MAP2: variants seen among roughly 807,000 people sequenced by gnomAD.
MAP2 encodes microtubule associated protein 2.
A neutral mutation model predicts 137.6 loss-of-function variants in MAP2; 14 were observed. The ratio of observed to expected loss-of-function variants is 0.10; its 90% CI spans 0.07 to 0.16. MAP2 has a LOEUF of 0.16. MAP2 is among the 10% of genes least tolerant of loss of function. The pLI is 1.00. For missense variants in MAP2, 2,088 were observed against 2,191.5 expected, an observed-to-expected ratio of 0.95 and a Z score of 0.94; for synonymous variants, 786 against 782.3, an observed-to-expected ratio of 1.00 and a Z score of -0.08.
At chr2:209,500,769 T>C (rs2060276975) in intron 1 of MAP2, among the ~76,000 whole-genome samples, 1 of 151,988 alleles carries the variant, frequency 6.6e-6, no homozygotes, top group East Asian at 1.9e-4. Context: ...CCCAGTTGGG[T>C]ATGGTGGCTT....
chr2:209,590,429 G>A (rs552071670), intron 3 of MAP2, among the ~76,000 whole-genome samples: 3 of 152,096 alleles, frequency 2.0e-5, no homozygotes, highest in South Asian at 2.1e-4. Context: ...TCTGCCTCCC[G>A]GATTCAAGTG....
intron 1 of MAP2, among the ~76,000 whole-genome samples, chr2:209,428,557 T>C (rs1483437538): frequency 1.3e-5 from 2 of 152,048 alleles, no homozygotes; most frequent in Non-Finnish European, 2.9e-5. Flanking sequence ...AAAATAAACA[T>C]TGGTCTTTAG....
chr2:209,649,500 C>A (rs1163452759), intron 4 of MAP2, among the ~76,000 whole-genome samples: 1 of 152,072 alleles, frequency 6.6e-6, no homozygotes, highest in African/African-American at 2.4e-5. Flanking sequence ...TGAAATTTAT[C>A]ATTTATGGGT....
chr2:209,724,481 A>G (rs942796763), intron 13 of MAP2, among the ~76,000 whole-genome samples: 2 of 152,186 alleles, frequency 1.3e-5, no homozygotes, highest in African/African-American at 2.4e-5. Flanking sequence ...CTGATCATCC[A>G]TGACTCAAGT....
At chr2:209,502,538 G>A (rs994203930) in intron 1 of MAP2, among the ~76,000 whole-genome samples, 1 of 152,132 alleles carries the variant, frequency 6.6e-6, no homozygotes, top group Non-Finnish European at 1.5e-5. Flanking sequence ...AAATAATGCT[G>A]CAATGAACAC....
chr2:209,726,216 A>T, intron 14 of MAP2, among the ~76,000 whole-genome samples: 1 of 152,134 alleles, frequency 6.6e-6, no homozygotes, highest in East Asian at 1.9e-4. Context: ...GAAGAAGTGT[A>T]TTTATCTGGT....
At chr2:209,521,701 A>T (rs2063312221) in intron 2 of MAP2, among the ~76,000 whole-genome samples, 1 of 152,048 alleles carries the variant, frequency 6.6e-6, no homozygotes, top group Non-Finnish European at 1.5e-5. Context: ...TCAAAAGCAC[A>T]TTCATGATCC....
chr2:209,435,990 T>TGATATATAA (rs1559159420), intron 1 of MAP2, among the ~76,000 whole-genome samples: 1 of 87,980 alleles, frequency 1.1e-5, no homozygotes, highest in Non-Finnish European at 2.0e-5. Flanking sequence ...ACAGTATATA[T>TGATATATAA]TATATACTAT....
intron 3 of MAP2, among the ~76,000 whole-genome samples, chr2:209,583,962 G>C (rs932990351): frequency 1.3e-5 from 2 of 151,670 alleles, no homozygotes; most frequent in African/African-American, 4.8e-5. Flanking sequence ...GTCTATTGTT[G>C]CCATCTTTAT....
intron 7 of MAP2, among the ~76,000 whole-genome samples, chr2:209,682,606 A>G (rs1214517612): frequency 1.3e-5 from 2 of 152,150 alleles, no homozygotes; most frequent in South Asian, 4.1e-4. Flanking sequence ...GAGCTTTAAA[A>G]TATTACAAGA....
intron 1 of MAP2, among the ~76,000 whole-genome samples, chr2:209,501,113 A>AT (rs1051275637): frequency 3.3e-5 from 5 of 151,298 alleles, no homozygotes; most frequent in South Asian, 2.1e-4. Context: ...AAACATTTCC[A>AT]TTTTTTTAAA....
At chr2:209,484,785 C>G (rs980294791) in intron 1 of MAP2, among the ~76,000 whole-genome samples, 2 of 152,206 alleles carry the variant, frequency 1.3e-5, no homozygotes, top group Non-Finnish European at 2.9e-5. Context: ...TGCTTTTATT[C>G]TGCCTTTTAA....
intron 5 of MAP2, chr2:209,661,504 A>T: frequency 1.0e-6 from 1 of 985,398 alleles, no homozygotes; most frequent in Non-Finnish European, 1.2e-6. Flanking sequence ...TTAGCATTCA[A>T]GGGTGGATCT....
chr2:209,680,245 T>G (rs2053955729), intron 6 of MAP2, among the ~76,000 whole-genome samples: 1 of 152,164 alleles, frequency 6.6e-6, no homozygotes, highest in South Asian at 2.1e-4. Flanking sequence ...TTAGACTCAG[T>G]GAACAAAAGG....
In MAP2 at chr2:209,527,460, A is replaced by C. The variant is rs200702609; in HGVS notation, c.-172+19819A>C. Among the ~76,000 whole-genome samples the C allele has an allele frequency of 4.6e-5, 7 of 152,210 alleles. No homozygotes were observed. The East Asian group carries it at 1.4e-3, about 29-fold the overall frequency. On this transcript the variant is annotated intron_variant, in intron 2 of 15. Coordinates refer to ENST00000682079, the MANE Select transcript of MAP2 (RefSeq NM_001375505.1). ...TATTTTCACGCATACACCGATGCCT[A>C]CTGTTGTCTGGTCTTCCCCTCGCAG...
intron 1 of MAP2, among the ~76,000 whole-genome samples, chr2:209,424,720 A>T (rs1478120391): frequency 6.6e-6 from 1 of 152,174 alleles, no homozygotes; most frequent in Non-Finnish European, 1.5e-5. Flanking sequence ...CTGGGAAGTG[A>T]GTGAGTGAGG....
intron 1 of MAP2, among the ~76,000 whole-genome samples, chr2:209,458,998 T>A (rs755439366): frequency 6.6e-6 from 1 of 152,214 alleles, no homozygotes; most frequent in Non-Finnish European, 1.5e-5. Context: ...AAATAATCAT[T>A]GAGCAAAGTT....
intron 5 of MAP2, among the ~76,000 whole-genome samples, chr2:209,675,891 T>C (rs1456673437): frequency 6.6e-6 from 1 of 151,902 alleles, no homozygotes; most frequent in African/African-American, 2.4e-5. Context: ...TGTTTTGATA[T>C]ATATATCAAA....
chr2:209,627,610 A>G (rs2092516826), intron 4 of MAP2, among the ~76,000 whole-genome samples: 1 of 152,138 alleles, frequency 6.6e-6, no homozygotes, highest in South Asian at 2.1e-4. Context: ...TATTCTGCCT[A>G]CCAGAAAATA....
Sources: allele counts gnomAD v4.1 joint callset (sites outside exome capture counted in the v4.1 genomes callset), GRCh38; gene constraint gnomAD v4.1.1; transcripts MANE v1.5; gene names NCBI Gene and HGNC (gene_info 2026-07-23, HGNC 2026-07-21).